The following SUN1 variants were observed in gnomAD, a reference collection of about 807,000 sequenced individuals.
SUN1 encodes the protein Sad1 and UNC84 domain containing 1.
SUN1 carries 61 observed loss-of-function variants against 103.2 expected under a neutral mutation model. The ratio of observed to expected loss-of-function variants is 0.59; its 90% CI spans 0.48 to 0.73. The LOEUF is 0.73. SUN1 is among the 30% of genes least tolerant of loss of function. SUN1 has a pLI of 0.00. For synonymous variants in SUN1, 490 were observed against 425.7 expected (o/e 1.15, Z -1.86); for missense variants, 1,052 against 1,034.6 (o/e 1.02, Z -0.23).
intron 2 of SUN1, chr7:841,695 T>C: frequency 2.2e-6 from 1 of 455,068 alleles, no homozygotes; most frequent in Non-Finnish European, 3.9e-6. Flanking sequence ...TTTTAACCAC[T>C]TGGGGTCATG....
At position 857,936 on chromosome 7, in the gene SUN1, A is replaced by G; in HGVS notation, c.1503A>G (p.Thr501=). The change falls in exon 13 of 19, where the codon ACA becomes ACG. Residue 501 remains threonine, a synonymous_variant. Transcript: ENST00000401592. ...GACACGTGAAGACCGGCTGTGAGAC[A>G]GTGGATGCCGTACAAGAAAGAGTGA... is the stretch of plus-strand genomic sequence containing the variant. ...SWRHVKTGCE[T]VDAVQERVDV... 2.5e-6 allele frequency: 4 copies of G among 1,591,730 alleles called. No homozygotes were observed. The highest frequency in any genetic ancestry group is 3.4e-6 in the Non-Finnish European group (4 of 1,163,228).
chr7:837,036 A>G (rs1341847976), intron 1 of SUN1, among the ~76,000 whole-genome samples: 1 of 152,206 alleles, frequency 6.6e-6, no homozygotes, highest in Non-Finnish European at 1.5e-5. Flanking sequence ...GGGGACTGCG[A>G]ATCATGACGC....
At chr7:840,426 G>A (rs189757803) in intron 2 of SUN1, among the ~76,000 whole-genome samples, 114 of 152,294 alleles carry the variant, frequency 7.5e-4, no homozygotes, top group African/African-American at 2.6e-3. Flanking sequence ...GCGCTCTGCC[G>A]CGCCACGCTC....
chr7:854,954 T>G lies in SUN1; in HGVS notation c.1298T>G (p.Val433Gly), dbSNP rs766358224. Residue 433 changes from valine (V) to glycine (G), a missense_variant, in exon 11 of 19, where the codon GTG becomes GGG. Physicochemically the swap from Val to Gly is moderately radical, Grantham distance 109. Coordinates refer to ENST00000401592, the MANE Select transcript of SUN1 (RefSeq NM_001130965.3). ...DFMAFHQEHE[V>G]RMSHLEDILG... is the part of the protein sequence containing the mutation. ...ATGGCCTTTCACCAAGAACATGAAGTGCGTATGTCACACTTGGAAGATATT... is the reference window on the plus strand; with the variant it reads ...ATGGCCTTTCACCAAGAACATGAAGGGCGTATGTCACACTTGGAAGATATT... 15 of 1,613,918 alleles carry G rather than the reference T, an allele frequency of 9.3e-6. No homozygotes were observed. The Admixed American group carries it at 1.7e-4, about 18-fold the overall frequency.
intron 3 of SUN1, among the ~76,000 whole-genome samples, chr7:842,768 G>T (rs565993400): frequency 6.6e-6 from 1 of 152,350 alleles, no homozygotes; most frequent in South Asian, 2.1e-4. Flanking sequence ...AGAAGATCCA[G>T]ATTAGTTCCA....
chr7:841,634 A>T (rs1039090615), intron 2 of SUN1, among the ~76,000 whole-genome samples: 1 of 152,182 alleles, frequency 6.6e-6, no homozygotes, highest in Non-Finnish European at 1.5e-5. Context: ...AAATTTATAA[A>T]TCACAGATGT....
rs1169592339 is a variant in SUN1 at position 873,380 on chromosome 7, T to C, written c.*49T>C. ...CATTTTTGTATATACTGGGACAGCG[T>C]GAAACACTGGAATCCTTCATGGACG... On this transcript the variant is annotated 3_prime_UTR_variant, in exon 19 of 19. Transcript: ENST00000401592. The C allele has an allele frequency of 5.3e-6, 8 of 1,499,176 alleles. No individual in the cohort carries two copies. The highest frequency in any genetic ancestry group is 7.4e-6 in the Non-Finnish European group (8 of 1,076,602). 92.9% of individuals were successfully genotyped at this position (1,499,176 alleles called of 1,614,324 possible).
In SUN1 at chr7:869,495, C is replaced by T. The variant is rs980652142; in HGVS notation, c.2127C>T (p.Ala709=). ...TLSPTGNISS[A]PKDFAVYGLE... ...CGCCAACAGGCAACATCAGCAGCGC[C>T]CCCAAGGACTTCGCCGTCTATGTGA... Residue 709 remains alanine, a synonymous_variant, in exon 17 of 19, where the codon GCC becomes GCT. Coordinates refer to ENST00000401592, the MANE Select transcript of SUN1 (RefSeq NM_001130965.3). 1 of 1,613,762 alleles carries T rather than the reference C, an allele frequency of 6.2e-7. No individual in the cohort carries two copies. The highest frequency in any genetic ancestry group is 8.5e-7 in the Non-Finnish European group (1 of 1,179,812).
rs1160683308 is a variant in SUN1 at position 873,939 on chromosome 7, C to T, written c.*608C>T. The T allele has an allele frequency of 1.3e-5, 2 of 152,466 alleles. No homozygotes were observed. Among genetic ancestry groups the T allele is most frequent in the South Asian group, 2.1e-4 (1 of 4,834 alleles). The allele number at this position is 152,466 out of a possible 1,614,324, so 9.4% of individuals were successfully genotyped here. On this transcript the variant is annotated 3_prime_UTR_variant, in exon 19 of 19. Transcript: ENST00000401592. The stretch of plus-strand genomic sequence containing the variant: ...GGTTTCCAGTCAGGACTCGCTGTAC[C>T]AATATCCATGGAGGAATATGGGAGC...
upstream of SUN1, among the ~76,000 whole-genome samples, chr7:828,733 A>G (rs955706836): frequency 9.8e-5 from 15 of 152,312 alleles, no homozygotes; most frequent in African/African-American, 3.6e-4. Flanking sequence ...GGTGACAGGC[A>G]TCCCTGGCCG....
intron 2 of SUN1, 157 bp from the exon 3 acceptor site, chr7:841,789 T>A: frequency 1.4e-6 from 1 of 721,232 alleles, no homozygotes; most frequent in Non-Finnish European, 2.2e-6. Context: ...TCCTTTTTTA[T>A]ATTAACAGTT....
At chr7:824,765 G>A (rs1789797812) in intron 1 of SUN1, among the ~76,000 whole-genome samples, 1 of 152,036 alleles carries the variant, frequency 6.6e-6, no homozygotes, top group Admixed American at 6.6e-5. Context: ...TCCAAAACAA[G>A]TGAAGAAACG....
chr7:852,654 C>G lies in SUN1; in HGVS notation c.897C>G (p.Leu299=), dbSNP rs1823349186. The G allele has an allele frequency of 6.2e-7, 1 of 1,614,208 alleles. No individual in the cohort carries two copies. The highest frequency in any genetic ancestry group is 8.5e-7 in the Non-Finnish European group (1 of 1,180,036). ...AGTTTTTAGTCTTGCTCATCCCACT[C>G]TTCCTTTTACTAGGTAAGTCAAATC... is the stretch of plus-strand genomic sequence containing the variant. ...ICKFLVLLIP[L]FLLLAGLSLR... is the part of the protein sequence containing the mutation. Residue 299 remains leucine (L), a synonymous_variant, in exon 8 of 19, where the codon CTC becomes CTG. Coordinates refer to ENST00000401592, the MANE Select transcript of SUN1 (RefSeq NM_001130965.3).
intron 1 of SUN1, among the ~76,000 whole-genome samples, chr7:818,174 G>T (rs995927792): frequency 2.6e-5 from 4 of 152,144 alleles, no homozygotes; most frequent in African/African-American, 9.7e-5. Context: ...CCCTATACCT[G>T]TTAAGCAGCC....
At chr7:854,599 CAG>C (rs1825417934) in intron 10 of SUN1, among the ~76,000 whole-genome samples, 1 of 152,194 alleles carries the variant, frequency 6.6e-6, no homozygotes. Context: ...TCTGGTGTGT[CAG>C]TGCACTGGGC....
At chr7:828,311 A>G (rs11767495), upstream of SUN1, among the ~76,000 whole-genome samples, 105 of 151,682 alleles carry the variant, frequency 6.9e-4, 1 homozygote, top group Middle Eastern at 3.4e-3. Context: ...TCACTCTGTC[A>G]CCCAGGCTGG....
chr7:836,378 T>C (rs1250496762), intron 1 of SUN1, among the ~76,000 whole-genome samples: 2 of 152,094 alleles, frequency 1.3e-5, no homozygotes, highest in Admixed American at 6.5e-5. Context: ...AATAGATTGA[T>C]TATGCGGAAT....
intron 10 of SUN1, among the ~76,000 whole-genome samples, chr7:854,326 G>A (rs554149766): frequency 1.3e-5 from 2 of 152,350 alleles, no homozygotes; most frequent in African/African-American, 2.4e-5. Context: ...CTCAGCCCCC[G>A]AGCCTCTAGC....
chr7:873,234 C>A lies in SUN1; in HGVS notation c.2261C>A (p.Ala754Asp). Residue 754 changes from alanine (A) to aspartate (D), a missense_variant, in exon 19 of 19, where the codon GCT becomes GAT. Transcript: ENST00000401592. ...TTTCAGAAAAGACCCGACGACACAG[C>A]TTTCCAAATAGTGGAACTTCGGATT... ...FQALKRPDDTAFQIVELRIFS... is the reference protein window; with the variant it reads ...FQALKRPDDTDFQIVELRIFS... The A allele has an allele frequency of 1.2e-6, 2 of 1,614,230 alleles. No individual in the cohort carries two copies. Among genetic ancestry groups the A allele is most frequent in the Non-Finnish European group, 1.7e-6 (2 of 1,180,032 alleles).
Sources: allele counts gnomAD v4.1 joint callset (sites outside exome capture counted in the v4.1 genomes callset), GRCh38; gene constraint gnomAD v4.1.1; transcripts MANE v1.5; gene names NCBI Gene and HGNC (gene_info 2026-07-23, HGNC 2026-07-21).